The following C2CD5 variants were observed in gnomAD, a reference collection of about 807,000 sequenced individuals.
C2CD5 encodes C2 domain-containing protein 5.
A neutral mutation model predicts 130.3 loss-of-function variants in C2CD5; 109 were observed. The observed-to-expected ratio is 0.84, with a 90% CI of 0.72 to 0.98. The LOEUF (loss-of-function observed/expected upper bound fraction) is 0.98, where lower values mean the gene tolerates loss of function less well. C2CD5 is among the 50% of genes least tolerant of loss of function. The probability of loss-of-function intolerance (pLI) is 0.00; values close to 1 mark genes in which losing one functional copy is unlikely to be tolerated. For missense variants in C2CD5, 996 were observed against 1,261.8 expected, an observed-to-expected ratio of 0.79 and a Z score of 3.19; for synonymous variants, 454 against 429.2, an observed-to-expected ratio of 1.06 and a Z score of -0.71.
chr12:22,501,170 G>C (rs1045089974), intron 10 of C2CD5, among the ~76,000 whole-genome samples: 1 of 152,046 alleles, frequency 6.6e-6, no homozygotes, highest in Non-Finnish European at 1.5e-5. Context: ...ATACTACAAG[G>C]TGTCATCATT....
At position 22,451,967 on chromosome 12, in the gene C2CD5, A is replaced by G. The variant is rs186606154; in HGVS notation, c.3024+1929T>C. Among the ~76,000 whole-genome samples the G allele has an allele frequency of 2.0e-5, 3 of 152,274 alleles. No individual in the cohort carries two copies. The East Asian group carries it at 5.8e-4, about 29-fold the overall frequency. ...CATATATTAACTCATGATTTCCCCA[A>G]TTTTTATCCCAATGTTATAGATGAG... is the stretch of plus-strand genomic sequence containing the variant. On this transcript the variant is annotated intron_variant, in intron 26 of 26. Coordinates refer to ENST00000446597, the MANE Select transcript of C2CD5 (RefSeq NM_001286176.2).
chr12:22,477,673 T>C (rs1232958295), intron 15 of C2CD5, among the ~76,000 whole-genome samples: 2 of 152,140 alleles, frequency 1.3e-5, no homozygotes, highest in African/African-American at 4.8e-5. Flanking sequence ...CCAACCCATT[T>C]TTCTTTCAAT....
At chr12:22,459,647 A>G (rs937080967) in intron 22 of C2CD5, 105 bp from the exon 23 acceptor site, 4 of 619,994 alleles carry the variant, frequency 6.5e-6, no homozygotes, top group Non-Finnish European at 1.1e-5. Context: ...ATAGGAGGAA[A>G]TCTTTATGGC....
At chr12:22,521,686 C>A (rs1408373780) in intron 7 of C2CD5, among the ~76,000 whole-genome samples, 3 of 152,142 alleles carry the variant, frequency 2.0e-5, no homozygotes, top group Non-Finnish European at 4.4e-5. Flanking sequence ...CAAATTCATT[C>A]TTCGATTTAT....
At chr12:22,503,826 T>C (rs1948122751) in intron 10 of C2CD5, among the ~76,000 whole-genome samples, 2 of 152,176 alleles carry the variant, frequency 1.3e-5, no homozygotes, top group South Asian at 4.1e-4. Context: ...TGTGATACTT[T>C]AAATCAAAAT....
intron 22 of C2CD5, among the ~76,000 whole-genome samples, chr12:22,465,348 A>T (rs1255412429): frequency 6.6e-6 from 1 of 152,168 alleles, no homozygotes; most frequent in Non-Finnish European, 1.5e-5. Flanking sequence ...TAATTTTTAA[A>T]TGATCAGTGT....
chr12:22,461,137 ACCACATCT>A (rs1382113903), intron 22 of C2CD5, among the ~76,000 whole-genome samples: 1 of 152,180 alleles, frequency 6.6e-6, no homozygotes, highest in East Asian at 1.9e-4. Context: ...TCAGAGGCTT[ACCACATCT>A]GTAGGGACAC....
In C2CD5 at chr12:22,449,532, T is replaced by C. The variant is rs558948753; in HGVS notation, c.*228A>G. ...TTGCTACGGTTCTTTTAAAAATTTA[T>C]CTTAACTTACTGAAGGGTCAAGACC... On this transcript the variant is annotated 3_prime_UTR_variant, in exon 27 of 27. Transcript: ENST00000446597. The C allele has an allele frequency of 1.1e-4, 39 of 358,026 alleles. 1 individual carries two copies. Among genetic ancestry groups the C allele is most frequent in the African/African-American group, 6.0e-4 (29 of 47,962 alleles). The allele number at this position is 358,026 out of a possible 1,614,324, so 22.2% of individuals were successfully genotyped here. A position where few individuals can be genotyped will look rare whatever the true frequency, so the allele number is the denominator to read the frequency against.
At chr12:22,535,609 T>C (rs1047486672) in intron 2 of C2CD5, among the ~76,000 whole-genome samples, 1 of 151,936 alleles carries the variant, frequency 6.6e-6, no homozygotes, top group East Asian at 1.9e-4. Context: ...AAAGAGCATA[T>C]AGAGAGCAAT....
At chr12:22,475,666 T>C (rs969028997) in intron 15 of C2CD5, among the ~76,000 whole-genome samples, 1 of 152,178 alleles carries the variant, frequency 6.6e-6, no homozygotes, top group East Asian at 1.9e-4. Context: ...TTTTCAAAAA[T>C]ATATAGTTTT....
chr12:22,523,729 C>G, intron 6 of C2CD5, 105 bp from the exon 7 acceptor site: 3 of 810,228 alleles, frequency 3.7e-6, no homozygotes, highest in Admixed American at 2.6e-5. Context: ...AAGAAAATCA[C>G]AGATTTTCAG....
intron 4 of C2CD5, 76 bp from the exon 5 acceptor site, chr12:22,525,781 C>T (rs940899309): frequency 1.3e-5 from 10 of 765,876 alleles, no homozygotes; most frequent in Non-Finnish European, 2.1e-5. Context: ...CAAATTAATG[C>T]TAAATAATGA....
chr12:22,544,295 A>G (rs996402350), intron 1 of C2CD5, 25 bp downstream of exon 1: 3 of 602,850 alleles, frequency 5.0e-6, no homozygotes, highest in Non-Finnish European at 8.2e-6. Flanking sequence ...GGCGCCCGGC[A>G]GTCGCGCCAC....
chr12:22,465,761 T>G (rs1941964925), intron 22 of C2CD5, among the ~76,000 whole-genome samples: 1 of 152,094 alleles, frequency 6.6e-6, no homozygotes, highest in Non-Finnish European at 1.5e-5. Flanking sequence ...ACATGAAAAT[T>G]GTATTAAAAA....
chr12:22,480,792 G>A (rs190885875), intron 14 of C2CD5, among the ~76,000 whole-genome samples: 27 of 151,722 alleles, frequency 1.8e-4, no homozygotes, highest in Non-Finnish European at 3.4e-4. Context: ...GTTACTCTAA[G>A]TATAAAAGAA....
Position 22,459,522 on chromosome 12 carries a change from A to C in C2CD5, c.2554T>G (p.Ser852Ala). 6.5e-7 allele frequency: 1 copy of C among 1,532,608 alleles called. No homozygotes were observed. The allele number at this position is 1,532,608 out of a possible 1,614,324, so 94.9% of individuals were successfully genotyped here. Residue 852 changes from serine to alanine, a missense_variant, in exon 23 of 27, where the codon TCT (serine) becomes GCT (alanine). This residue lies in a region of C2CD5 where 590 missense variants were observed against 631.4 expected (regional missense o/e 0.93). Coordinates refer to ENST00000446597, the MANE Select transcript of C2CD5 (RefSeq NM_001286176.2). ...TGTGCAGCTGGTATACCTGAGTTAG[A>C]ACTTGCACTCTCCAGGTGTTCTAAT... ...PAKEHLESAS[S>A]NSGIPAAQRA...
At chr12:22,535,075 C>G in intron 3 of C2CD5, 183 bp downstream of exon 3, 1 of 558,692 alleles carries the variant, frequency 1.8e-6, no homozygotes, top group Non-Finnish European at 3.2e-6. Flanking sequence ...TTATCATATA[C>G]TGTATTTTCT....
At chr12:22,474,576 C>G (rs1473690686) in intron 16 of C2CD5, among the ~76,000 whole-genome samples, 175 bp downstream of exon 16, 1 of 152,052 alleles carries the variant, frequency 6.6e-6, no homozygotes, top group Non-Finnish European at 1.5e-5. Context: ...TGGTATTGAA[C>G]AAACATATGT....
At chr12:22,474,710 G>C in intron 16 of C2CD5, 41 bp downstream of exon 16, 1 of 1,485,844 alleles carries the variant, frequency 6.7e-7, no homozygotes, top group Non-Finnish European at 9.0e-7. Flanking sequence ...GTGTATCTTA[G>C]CTTCCAAAAC....
Sources: gnomAD v4.1 joint callset for allele counts (sites outside exome capture counted in the v4.1 genomes callset) on GRCh38, gnomAD v4.1.1 for gene constraint, gnomAD v4.1.1 regional missense constraint, MANE v1.5 for transcripts, NCBI Gene and HGNC (gene_info 2026-07-23, HGNC 2026-07-21) for gene names.